The following PDE1C variants were observed in gnomAD, a reference collection of about 807,000 sequenced individuals.
The protein encoded by PDE1C is dual specificity calcium/calmodulin-dependent 3',5'-cyclic nucleotide phosphodiesterase 1C.
PDE1C carries 62 observed loss-of-function variants against 93.1 expected under a neutral mutation model. The ratio of observed to expected loss-of-function variants is 0.67; its 90% CI spans 0.54 to 0.82. The LOEUF (loss-of-function observed/expected upper bound fraction) is 0.82, where lower values mean the gene tolerates loss of function less well. Ranked by LOEUF, PDE1C falls within the 40% of genes least tolerant of loss-of-function variation. The pLI, the probability that PDE1C is intolerant of heterozygous loss-of-function variation, is 0.00. For missense variants in PDE1C, 742 were observed against 884.6 expected (o/e 0.84, Z 2.04); for synonymous variants, 325 against 310.1 (o/e 1.05, Z -0.50).
At chr7:31,697,478 G>T in the PDE1C span, among the ~76,000 whole-genome samples, 2 of 152,088 alleles carry the variant, frequency 1.3e-5, no homozygotes, top group African/African-American at 4.8e-5. Context: ...TGAGACACTT[G>T]GACTAATTGG....
chr7:31,973,171 A>G (rs1584273204), intron 2 of PDE1C, among the ~76,000 whole-genome samples: 1 of 152,242 alleles, frequency 6.6e-6, no homozygotes, highest in Non-Finnish European at 1.5e-5. Flanking sequence ...AGAGGAAAAA[A>G]AATAAGTGAA....
chr7:31,686,741 G>C, the PDE1C span: 1 of 152,338 alleles, frequency 6.6e-6, no homozygotes, highest in South Asian at 2.1e-4. Context: ...GAAGTCTCTA[G>C]AAGAGTGTCT....
intron 9 of PDE1C, among the ~76,000 whole-genome samples, chr7:31,845,537 G>C (rs1288918791): frequency 6.6e-6 from 1 of 152,046 alleles, no homozygotes; most frequent in Non-Finnish European, 1.5e-5. Context: ...AGGGGGTCAG[G>C]GGCTAGGGAA....
At chr7:31,801,341 C>CA (rs1440544926) in intron 16 of PDE1C, among the ~76,000 whole-genome samples, 2 of 151,488 alleles carry the variant, frequency 1.3e-5, no homozygotes, top group East Asian at 3.9e-4. Context: ...AACATCCTTT[C>CA]AATTTAATTC....
At chr7:32,222,197 T>G (rs552921085) in intron 1 of PDE1C, among the ~76,000 whole-genome samples, 1 of 152,260 alleles carries the variant, frequency 6.6e-6, no homozygotes, top group Non-Finnish European at 1.5e-5. Context: ...GCATGCACTG[T>G]CAGCACTGTG....
chr7:32,238,559 T>C (rs1316559765), intron 1 of PDE1C, among the ~76,000 whole-genome samples: 1 of 152,224 alleles, frequency 6.6e-6, no homozygotes, highest in Non-Finnish European at 1.5e-5. Context: ...GTTCTAAAAT[T>C]TGTAAGGCAG....
chr7:32,310,362 G>A (rs1782993128), intron 1 of PDE1C, among the ~76,000 whole-genome samples: 1 of 152,126 alleles, frequency 6.6e-6, no homozygotes, highest in Non-Finnish European at 1.5e-5. Flanking sequence ...AGTTAGCAAG[G>A]ATACCCAAGA....
chr7:32,299,410 G>C (rs940369522), upstream of PDE1C: 20 of 985,398 alleles, frequency 2.0e-5, no homozygotes, highest in Non-Finnish European at 2.3e-5. Context: ...CTTCTCCACT[G>C]TCCCTGCCAG....
chr7:31,926,523 G>A (rs769173792), intron 2 of PDE1C, among the ~76,000 whole-genome samples: 9 of 152,188 alleles, frequency 5.9e-5, no homozygotes, highest in African/African-American at 9.7e-5. Flanking sequence ...GAACAGCTCC[G>A]GTCTGCAGCT....
the PDE1C span, among the ~76,000 whole-genome samples, chr7:31,647,062 A>T: frequency 2.6e-4 from 39 of 152,260 alleles, no homozygotes; most frequent in Non-Finnish European, 5.6e-4. Flanking sequence ...TTATACTCCT[A>T]TGCAGGCATA....
the PDE1C span, among the ~76,000 whole-genome samples, chr7:31,693,907 C>A: frequency 9.2e-5 from 14 of 152,146 alleles, no homozygotes; most frequent in African/African-American, 3.1e-4. Flanking sequence ...TTATTCATAT[C>A]TGTAGATCTA....
intron 3 of PDE1C, among the ~76,000 whole-genome samples, chr7:32,128,954 A>G (rs73689040): frequency 5.1e-5 from 4 of 79,046 alleles, no homozygotes; most frequent in African/African-American, 2.6e-4. Flanking sequence ...TATATATATA[A>G]AGAAAAATCT....
intron 3 of PDE1C, among the ~76,000 whole-genome samples, chr7:32,154,513 A>G (rs755734827): frequency 2.0e-4 from 30 of 152,112 alleles, no homozygotes; most frequent in South Asian, 6.2e-4. Flanking sequence ...CTAAACTACA[A>G]CCTCACTCAG....
chr7:31,971,467 C>A (rs888428866), intron 2 of PDE1C, among the ~76,000 whole-genome samples: 2 of 152,094 alleles, frequency 1.3e-5, no homozygotes, highest in East Asian at 1.9e-4. Context: ...GAGTCTCTGA[C>A]GATCACGCTA....
intron 5 of PDE1C, among the ~76,000 whole-genome samples, chr7:31,873,672 T>G (rs1310248507): frequency 6.6e-6 from 1 of 152,256 alleles, no homozygotes; most frequent in Non-Finnish European, 1.5e-5. Flanking sequence ...TGGTTGGTGA[T>G]AAATATGTAA....
intron 16 of PDE1C, among the ~76,000 whole-genome samples, chr7:31,801,856 T>G (rs796553417): frequency 2.6e-5 from 4 of 151,630 alleles, no homozygotes; most frequent in African/African-American, 9.6e-5. Context: ...TTTACTTTTG[T>G]GCTGTTTGTG....
intron 2 of PDE1C, among the ~76,000 whole-genome samples, chr7:31,975,118 AG>A (rs767341390): frequency 5.3e-5 from 8 of 152,166 alleles, no homozygotes; most frequent in Non-Finnish European, 1.0e-4. Context: ...GAAAATCTAA[AG>A]TGGCTGCATA....
At chr7:32,292,959 C>T (rs1812426639) in intron 1 of PDE1C, among the ~76,000 whole-genome samples, 1 of 152,186 alleles carries the variant, frequency 6.6e-6, no homozygotes, top group Admixed American at 6.5e-5. Context: ...CTCTTACTCT[C>T]ATCTGGTGTC....
intron 1 of PDE1C, among the ~76,000 whole-genome samples, chr7:32,225,022 T>TAAA (rs58376421): frequency 9.9e-6 from 1 of 100,812 alleles, no homozygotes. Flanking sequence ...CTTTCTTATT[T>TAAA]AAAAAAAAAA....
Sources: allele counts gnomAD v4.1 joint callset (sites outside exome capture counted in the v4.1 genomes callset), GRCh38; gene constraint gnomAD v4.1.1; transcripts MANE v1.5; gene names NCBI Gene and HGNC (gene_info 2026-07-23, HGNC 2026-07-21).